CACNA1H: variants seen among roughly 807,000 people sequenced by gnomAD.
The protein encoded by CACNA1H is voltage-dependent T-type calcium channel subunit alpha-1H.
A neutral mutation model predicts 192.5 loss-of-function variants in CACNA1H; 149 were observed. The ratio of observed to expected loss-of-function variants is 0.77; its 90% CI spans 0.68 to 0.89. The LOEUF (loss-of-function observed/expected upper bound fraction) is 0.89. Among genes scored for constraint, CACNA1H ranks in the 40% least tolerant of loss-of-function variants. The pLI, the probability that CACNA1H is intolerant of heterozygous loss-of-function variation, is 0.00. For synonymous variants in CACNA1H, 2,202 were observed against 1,475.2 expected (o/e 1.49, Z -11.29); for missense variants, 4,257 against 3,423.5 (o/e 1.24, Z -6.08).
chr16:1,217,866 C>T (rs548931639), intron 31 of CACNA1H, 53 bp from the exon 32 acceptor site: 103 of 1,535,558 alleles, frequency 6.7e-5, no homozygotes, highest in African/African-American at 2.7e-4. Flanking sequence ...GTGCATGTCC[C>T]GCCTCCACCC....
intron 8 of CACNA1H, 55 bp from the exon 9 acceptor site, chr16:1,201,607 TG>T: frequency 6.7e-7 from 1 of 1,501,288 alleles, no homozygotes; most frequent in African/African-American, 1.4e-5. Context: ...TAGGGCTCAG[TG>T]GCGAATCAGA....
At chr16:1,163,574 G>C (rs1426717478) in intron 2 of CACNA1H, among the ~76,000 whole-genome samples, 1 of 152,266 alleles carries the variant, frequency 6.6e-6, no homozygotes, top group African/African-American at 2.4e-5. Context: ...CACACACACG[G>C]TCCCTGCCCT....
chr16:1,182,940 G>C (rs1434173860), intron 2 of CACNA1H, among the ~76,000 whole-genome samples: 3 of 152,112 alleles, frequency 2.0e-5, no homozygotes, highest in Non-Finnish European at 4.4e-5. Context: ...AGGGTCCATG[G>C]GCACTGCAGG....
At chr16:1,174,817 C>T (rs985469718) in intron 2 of CACNA1H, among the ~76,000 whole-genome samples, 2 of 152,254 alleles carry the variant, frequency 1.3e-5, no homozygotes, top group Non-Finnish European at 2.9e-5. Flanking sequence ...CCAGGATGGC[C>T]GAGTTGGCGT....
chr16:1,210,028 C>G lies in CACNA1H; in HGVS notation c.3745-7C>G, dbSNP rs1392790221. 1 of 1,547,550 alleles carries G rather than the reference C, an allele frequency of 6.5e-7. No individual in the cohort carries two copies. The highest frequency in any genetic ancestry group is 8.7e-7 in the Non-Finnish European group (1 of 1,146,200). ...AGGCTCTGAGAAGCCGCCGCCTCATCCCACAGAGCTGCTGCCTCCGCCTGC... is the reference window on the plus strand; with the variant it reads ...AGGCTCTGAGAAGCCGCCGCCTCATGCCACAGAGCTGCTGCCTCCGCCTGC... On this transcript the variant is annotated splice_region_variant and splice_polypyrimidine_tract_variant and intron_variant, in intron 17 of 34. Coordinates refer to ENST00000348261, the MANE Select transcript of CACNA1H (RefSeq NM_021098.3).
At chr16:1,163,710 G>C (rs1963460198) in intron 2 of CACNA1H, among the ~76,000 whole-genome samples, 1 of 152,230 alleles carries the variant, frequency 6.6e-6, no homozygotes, top group African/African-American at 2.4e-5. Flanking sequence ...GTCTGAGGAT[G>C]GCTTAGGGTA....
At chr16:1,177,024 C>G (rs1041629236) in intron 2 of CACNA1H, among the ~76,000 whole-genome samples, 5 of 152,298 alleles carry the variant, frequency 3.3e-5, no homozygotes, top group East Asian at 1.9e-4. Context: ...ACTCCCTCCC[C>G]CCAGGAGCTT....
At chr16:1,206,797 A>G (rs1235759520) in intron 12 of CACNA1H, 61 of 553,542 alleles carry the variant, frequency 1.1e-4, no homozygotes, top group Non-Finnish European at 1.3e-5. Flanking sequence ...CGCCTGTGGA[A>G]TGGACACTAC....
chr16:1,169,706 C>T (rs939368967), intron 2 of CACNA1H, among the ~76,000 whole-genome samples: 1 of 152,264 alleles, frequency 6.6e-6, no homozygotes, highest in Non-Finnish European at 1.5e-5. Context: ...CAGCTGACAC[C>T]ACTGTGGCTG....
intron 2 of CACNA1H, among the ~76,000 whole-genome samples, chr16:1,165,529 G>A (rs937162109): frequency 1.4e-5 from 2 of 145,562 alleles, no homozygotes; most frequent in African/African-American, 2.8e-5. Flanking sequence ...AGAGAGAGGC[G>A]CCTGGGCCCC....
Position 1,207,831 on chromosome 16 carries a change from T to C in CACNA1H, c.3125T>C (p.Phe1042Ser), listed in dbSNP as rs546733179. Reference protein sequence around the residue: ...DKTSVHFEEDFHKLRELQTTE... With the variant: ...DKTSVHFEEDSHKLRELQTTE... ...ACGTCGGTCCACTTCGAGGAGGACT[T>C]CCACAAGCTCAGAGAACTCCAGACC... Residue 1042 changes from phenylalanine (F) to serine (S), a missense_variant, in exon 15 of 35, where the codon TTC (phenylalanine) becomes TCC (serine). Physicochemically the swap from Phe to Ser is radical, Grantham distance 155 (BLOSUM62 -2). Coordinates refer to ENST00000348261, the MANE Select transcript of CACNA1H (RefSeq NM_021098.3). 1.2e-6 allele frequency: 2 copies of C among 1,600,294 alleles called. No individual in the cohort carries two copies. The highest frequency in any genetic ancestry group is 2.7e-5 in the African/African-American group (2 of 74,746).
At chr16:1,190,362 G>C (rs200629665) in intron 2 of CACNA1H, among the ~76,000 whole-genome samples, 1 of 152,230 alleles carries the variant, frequency 6.6e-6, no homozygotes, top group Non-Finnish European at 1.5e-5. Flanking sequence ...GGCTCCGTGC[G>C]ACACAGCCGG....
rs1010056009 is a variant in CACNA1H at position 1,213,847 on chromosome 16, C to T, written c.4845C>T (p.Thr1615=). Residue 1615 remains threonine (T), a synonymous_variant, in exon 27 of 35, where the codon ACC becomes ACT. Transcript: ENST00000348261. The part of the protein sequence containing the change: ...PTRRSIHSLC[T]SHYLDLFITF... ...GCCGCTCCATTCACTCGCTGTGCAC[C>T]AGCCACTATCTCGACCTCTTCATCA... The T allele has an allele frequency of 6.2e-7, 1 of 1,607,130 alleles. No homozygotes were observed. The highest frequency in any genetic ancestry group is 8.5e-7 in the Non-Finnish European group (1 of 1,177,342).
intron 5 of CACNA1H, among the ~76,000 whole-genome samples, 160 bp downstream of exon 5, chr16:1,196,183 C>T (rs1460169724): frequency 6.6e-6 from 1 of 152,370 alleles, no homozygotes; most frequent in Non-Finnish European, 1.5e-5. Context: ...TGGCCCCTGC[C>T]GCTATCCGTG....
intron 2 of CACNA1H, among the ~76,000 whole-genome samples, chr16:1,162,593 T>C (rs1409459475): frequency 2.0e-5 from 3 of 147,006 alleles, no homozygotes; most frequent in Non-Finnish European, 4.5e-5. Flanking sequence ...CTCTGTGCCC[T>C]GGTTAGAAGC....
intron 2 of CACNA1H, among the ~76,000 whole-genome samples, chr16:1,156,555 C>A (rs912168811): frequency 6.6e-6 from 1 of 152,100 alleles, no homozygotes; most frequent in Non-Finnish European, 1.5e-5. Context: ...CGGTGGGCGA[C>A]TGGTGTGGCT....
intron 33 of CACNA1H, 108 bp downstream of exon 33, chr16:1,218,759 A>G: frequency 8.3e-7 from 1 of 1,199,488 alleles, no homozygotes; most frequent in East Asian, 2.6e-5. Flanking sequence ...GGCAAGAGGA[A>G]GGATGGGCGG....
Position 1,207,266 on chromosome 16 carries a change from A to G in CACNA1H, c.2908-9A>G, listed in dbSNP as rs750020188. The stretch of plus-strand genomic sequence containing the variant: ...GGGTGACCACCCCAGGCCCCCTGCT[A>G]TCCCCCAGATCCTGACCCAGGAGGA... On this transcript the variant is annotated splice_polypyrimidine_tract_variant and intron_variant, in intron 13 of 34. Transcript: ENST00000348261. 2 of 1,599,628 alleles carry G rather than the reference A, an allele frequency of 1.3e-6. No homozygotes were observed. Among genetic ancestry groups the G allele is most frequent in the Non-Finnish European group, 8.5e-7 (1 of 1,171,732 alleles).
intron 2 of CACNA1H, among the ~76,000 whole-genome samples, chr16:1,160,935 C>G (rs542956093): frequency 3.3e-5 from 5 of 152,246 alleles, no homozygotes; most frequent in African/African-American, 7.2e-5. Context: ...TGCGGCCCCC[C>G]CCCAGCCTCG....
Sources: gnomAD v4.1 joint callset for allele counts (sites outside exome capture counted in the v4.1 genomes callset) on GRCh38, gnomAD v4.1.1 for gene constraint, MANE v1.5 for transcripts, NCBI Gene and HGNC (gene_info 2026-07-23, HGNC 2026-07-21) for gene names.